SYN2: variants seen among roughly 807,000 people sequenced by gnomAD.
SYN2 encodes the protein synapsin II.
A neutral mutation model predicts 50.9 loss-of-function variants in SYN2; 19 were observed. The ratio of observed to expected loss-of-function variants is 0.37; its 90% CI spans 0.26 to 0.55. SYN2 has a LOEUF of 0.55. SYN2 is among the 20% of genes least tolerant of loss of function. SYN2 has a pLI of 0.81. For synonymous variants in SYN2, 255 were observed against 224.9 expected, an observed-to-expected ratio of 1.13 and a Z score of -1.20; for missense variants, 587 against 576.4, an observed-to-expected ratio of 1.02 and a Z score of -0.19.
At chr3:12,184,375 G>C (rs943985745) in intron 11 of SYN2, 3 of 985,798 alleles carry the variant, frequency 3.0e-6, no homozygotes, top group Non-Finnish European at 3.6e-6. Context: ...AGCTTGACCT[G>C]TGTACAGAGA....
At chr3:12,151,552 C>T (rs1431035479) in intron 5 of SYN2, among the ~76,000 whole-genome samples, 4 of 152,178 alleles carry the variant, frequency 2.6e-5, no homozygotes, top group Admixed American at 2.6e-4. Flanking sequence ...GCAGTTTAAT[C>T]AAGCTGAGAG....
chr3:12,109,408 C>T (rs1696268578), intron 1 of SYN2, among the ~76,000 whole-genome samples: 1 of 152,130 alleles, frequency 6.6e-6, no homozygotes, highest in Non-Finnish European at 1.5e-5. Flanking sequence ...TGCATTCATC[C>T]AGCTGGTTAG....
chr3:12,187,647 C>G, intron 12 of SYN2, 35 bp downstream of exon 12: 1 of 1,508,854 alleles, frequency 6.6e-7, no homozygotes, highest in South Asian at 1.3e-5. Flanking sequence ...CCCTCCCCTC[C>G]TCCTACCCTT....
chr3:12,171,074 A>G (rs1453813731), intron 10 of SYN2, among the ~76,000 whole-genome samples: 1 of 152,168 alleles, frequency 6.6e-6, no homozygotes, highest in Admixed American at 6.5e-5. Flanking sequence ...ATAAATGTGG[A>G]CCCTGACTCT....
intron 1 of SYN2, among the ~76,000 whole-genome samples, chr3:12,092,616 CCTGGACCACTCATATT>C (rs1345164245): frequency 6.6e-6 from 1 of 152,142 alleles, no homozygotes; most frequent in African/African-American, 2.4e-5. Context: ...ATTTGGCATC[CCTGGACCACTCATATT>C]ATTTCATTTC....
At chr3:12,161,958 G>A in intron 6 of SYN2, 54 bp from the exon 7 acceptor site, 5 of 1,602,744 alleles carry the variant, frequency 3.1e-6, no homozygotes, top group Non-Finnish European at 4.3e-6. Context: ...TGACTTCTCA[G>A]TGTGTGTATG....
In SYN2 at chr3:12,129,911, C is replaced by T. The variant is rs1035670823; in HGVS notation, c.378-10740C>T. On this transcript the variant is annotated intron_variant, in intron 1 of 12. Transcript: ENST00000621198. Reference sequence around the variant, plus strand: ...GAGATGAGGTCATGAGAGCGGGGCCCTCACGATGGTGTTAGTGTCCTCATA... The same window carrying T: ...GAGATGAGGTCATGAGAGCGGGGCCTTCACGATGGTGTTAGTGTCCTCATA... 2.0e-4 allele frequency among the ~76,000 whole-genome samples: 30 copies of T among 152,034 alleles called. 3 individuals carry two copies.
At chr3:12,094,924 A>T (rs1695898552) in intron 1 of SYN2, among the ~76,000 whole-genome samples, 1 of 152,326 alleles carries the variant, frequency 6.6e-6, no homozygotes, top group South Asian at 2.1e-4. Context: ...AACTGAATTT[A>T]TAAGTCTGGA....
intron 1 of SYN2, among the ~76,000 whole-genome samples, chr3:12,129,579 C>T (rs931024692): frequency 6.6e-6 from 1 of 151,344 alleles, no homozygotes; most frequent in South Asian, 2.1e-4. Flanking sequence ...GGGGAGGGCA[C>T]TCTTCCTTCT....
chr3:12,164,569 G>C (rs1171833698), intron 7 of SYN2, among the ~76,000 whole-genome samples: 1 of 152,102 alleles, frequency 6.6e-6, no homozygotes, highest in Non-Finnish European at 1.5e-5. Flanking sequence ...AATCACCGTG[G>C]AGATCCAGAG....
At chr3:12,162,908 C>T (rs1697688095) in intron 7 of SYN2, among the ~76,000 whole-genome samples, 1 of 152,168 alleles carries the variant, frequency 6.6e-6, no homozygotes, top group African/African-American at 2.4e-5. Flanking sequence ...ATGCAGGTGG[C>T]TTATAATTCC....
At chr3:12,169,718 C>A in intron 9 of SYN2, 39 bp from the exon 10 acceptor site, 1 of 1,610,250 alleles carries the variant, frequency 6.2e-7, no homozygotes, top group Non-Finnish European at 8.5e-7. Context: ...ATTTATGTTT[C>A]CAGACCCCTT....
chr3:12,072,085 G>A (rs1467750657), intron 1 of SYN2, among the ~76,000 whole-genome samples: 4 of 151,582 alleles, frequency 2.6e-5, no homozygotes, highest in Non-Finnish European at 5.9e-5. Context: ...AAATGCTGCC[G>A]TTAAAAAAAA....
chr3:12,064,278 G>A (rs1321393725), intron 1 of SYN2, among the ~76,000 whole-genome samples: 1 of 152,034 alleles, frequency 6.6e-6, no homozygotes, highest in Non-Finnish European at 1.5e-5. Flanking sequence ...AGAACTTAAG[G>A]AGACATGGTG....
At chr3:12,055,289 A>G (rs908786837) in intron 1 of SYN2, among the ~76,000 whole-genome samples, 3 of 152,162 alleles carry the variant, frequency 2.0e-5, no homozygotes, top group African/African-American at 7.2e-5. Context: ...ATTAATGTAA[A>G]TTAAAAATAC....
At chr3:12,058,463 T>C (rs566357715) in intron 1 of SYN2, among the ~76,000 whole-genome samples, 1 of 152,360 alleles carries the variant, frequency 6.6e-6, no homozygotes, top group South Asian at 2.1e-4. Context: ...TTTACTTCTT[T>C]TCCTGACAAA....
intron 1 of SYN2, among the ~76,000 whole-genome samples, chr3:12,119,622 AT>A (rs1448530193): frequency 6.6e-6 from 1 of 151,938 alleles, no homozygotes; most frequent in Admixed American, 6.6e-5. Context: ...TTGTGGTTTT[AT>A]TTGCAGGAAA....
intron 10 of SYN2, among the ~76,000 whole-genome samples, chr3:12,172,495 T>TCAAAACTAA (rs1697958588): frequency 6.6e-6 from 1 of 152,216 alleles, no homozygotes; most frequent in Non-Finnish European, 1.5e-5. Flanking sequence ...CAAAGGAAGA[T>TCAAAACTAA]GTGTAGAGCA....
chr3:12,071,157 G>A (rs553658230), intron 1 of SYN2: 56 of 553,440 alleles, frequency 1.0e-4, no homozygotes, highest in South Asian at 7.2e-4. Flanking sequence ...CCATGTACCC[G>A]GGCATCACCA....
Sources: gnomAD v4.1 joint callset for allele counts (sites outside exome capture counted in the v4.1 genomes callset) on GRCh38, gnomAD v4.1.1 for gene constraint, MANE v1.5 for transcripts, NCBI Gene and HGNC (gene_info 2026-07-23, HGNC 2026-07-21) for gene names.